Variants in KCNK2 observed in about 807,000 individuals in gnomAD.
KCNK2 encodes the protein potassium two pore domain channel subfamily K member 2, also known as potassium channel subfamily K member 2.
Under a neutral mutation model 40.5 loss-of-function variants are expected in KCNK2, and 21 were observed. That is an observed-to-expected ratio of 0.52 (90% CI 0.37 to 0.75). KCNK2 has a LOEUF of 0.75. Among genes scored for constraint, KCNK2 ranks in the 30% least tolerant of loss-of-function variants. The pLI is 0.00. For synonymous variants in KCNK2, 191 were observed against 202.2 expected, an observed-to-expected ratio of 0.94 and a Z score of 0.47; for missense variants, 399 against 531.6, an observed-to-expected ratio of 0.75 and a Z score of 2.45.
intron 6 of KCNK2, among the ~76,000 whole-genome samples, chr1:215,213,003 G>C (rs1478500634): frequency 6.6e-6 from 1 of 152,196 alleles, no homozygotes; most frequent in East Asian, 1.9e-4. Context: ...CATAAAACAA[G>C]TCAGTATGTT....
intron 5 of KCNK2, among the ~76,000 whole-genome samples, chr1:215,183,176 C>A (rs1664294356): frequency 1.3e-5 from 2 of 152,138 alleles, no homozygotes; most frequent in African/African-American, 4.8e-5. Flanking sequence ...AGCCATTAAT[C>A]ATTTTTTCCA....
chr1:215,125,107 C>A (rs987809643), intron 3 of KCNK2, among the ~76,000 whole-genome samples: 5 of 152,056 alleles, frequency 3.3e-5, no homozygotes, highest in Non-Finnish European at 7.4e-5. Context: ...TTTTGACATT[C>A]TTTTCATGGA....
At chr1:215,205,240 GGAA>G (rs1367316245) in intron 6 of KCNK2, among the ~76,000 whole-genome samples, 3 of 152,024 alleles carry the variant, frequency 2.0e-5, no homozygotes, top group Non-Finnish European at 2.9e-5. Context: ...TGAGTGAATG[GGAA>G]GAAGATTTTT....
intron 3 of KCNK2, among the ~76,000 whole-genome samples, chr1:215,138,885 G>T (rs1662044065): frequency 2.6e-5 from 4 of 152,060 alleles, no homozygotes; most frequent in Admixed American, 2.6e-4. Flanking sequence ...TGCAGTGCTG[G>T]TTATCTTTTT....
At chr1:215,066,999 C>G (rs1450726226) in intron 1 of KCNK2, among the ~76,000 whole-genome samples, 1 of 151,568 alleles carries the variant, frequency 6.6e-6, no homozygotes, top group African/African-American at 2.4e-5. Context: ...ACATTTATTC[C>G]CACAAGAAAG....
At chr1:215,140,563 A>G (rs1662129396) in intron 3 of KCNK2, among the ~76,000 whole-genome samples, 1 of 152,184 alleles carries the variant, frequency 6.6e-6, no homozygotes, top group African/African-American at 2.4e-5. Flanking sequence ...GTGTTAGATA[A>G]TGGTAAGTAT....
At chr1:215,028,497 A>G (rs1571856653) in intron 1 of KCNK2, among the ~76,000 whole-genome samples, 1 of 152,300 alleles carries the variant, frequency 6.6e-6, no homozygotes, top group African/African-American at 2.4e-5. Context: ...TTTTAATCTC[A>G]GCATCATCTT....
At chr1:215,122,704 C>T (rs546762791) in intron 2 of KCNK2, among the ~76,000 whole-genome samples, 23 of 150,038 alleles carry the variant, frequency 1.5e-4, no homozygotes, top group African/African-American at 2.0e-4. Flanking sequence ...GATACTTATT[C>T]GCTACTATAC....
intron 5 of KCNK2, among the ~76,000 whole-genome samples, chr1:215,180,211 G>A (rs1664167934): frequency 1.3e-5 from 2 of 152,126 alleles, no homozygotes; most frequent in South Asian, 2.1e-4. Context: ...TTGTGTGACA[G>A]ATCTTTCTTC....
At chr1:215,091,344 G>A (rs969318384) in intron 2 of KCNK2, among the ~76,000 whole-genome samples, 3 of 152,082 alleles carry the variant, frequency 2.0e-5, no homozygotes, top group Admixed American at 1.3e-4. Context: ...TACCAGGGAG[G>A]TGGGCTTTAT....
Position 215,236,085 on chromosome 1 carries a change from T to TATC in KCNK2, c.*941_*943dup, listed in dbSNP as rs200877725. 1,986 of 152,078 alleles carry TATC rather than the reference T, an allele frequency of 0.013. 40 individuals carry two copies. Among genetic ancestry groups the TATC allele is most frequent in the African/African-American group, 0.045 (1,846 of 41,154 alleles). The allele number at this position is 152,078 out of a possible 1,614,324, so 9.4% of individuals were successfully genotyped here. A position where few individuals can be genotyped will look rare whatever the true frequency, so the allele number is the denominator to read the frequency against. ...CTATCTATCTATCTATCTATCTATC[T>TATC]ATCTATCTATCTAAATGACCTGACA... On this transcript the variant is annotated 3_prime_UTR_variant, in exon 7 of 7. Coordinates refer to ENST00000444842, the MANE Select transcript of KCNK2 (RefSeq NM_001017425.3).
intron 1 of KCNK2, among the ~76,000 whole-genome samples, chr1:215,038,992 A>T (rs913005059): frequency 6.6e-6 from 1 of 152,144 alleles, no homozygotes; most frequent in Non-Finnish European, 1.5e-5. Context: ...TGAAAAAAAA[A>T]AGAATGAAGA....
At chr1:215,054,556 C>A (rs946418290) in intron 1 of KCNK2, among the ~76,000 whole-genome samples, 1 of 152,146 alleles carries the variant, frequency 6.6e-6, no homozygotes, top group African/African-American at 2.4e-5. Context: ...GCACACCCAC[C>A]GCTGTTCTAC....
chr1:215,075,923 C>T (rs1658909464), intron 1 of KCNK2, among the ~76,000 whole-genome samples: 1 of 152,206 alleles, frequency 6.6e-6, no homozygotes, highest in African/African-American at 2.4e-5. Flanking sequence ...ACTTGTTATT[C>T]ATGGCCCACC....
chr1:215,159,870 C>A (rs1309870068), intron 3 of KCNK2, among the ~76,000 whole-genome samples: 2 of 151,994 alleles, frequency 1.3e-5, no homozygotes, highest in Admixed American at 6.6e-5. Context: ...TCATATATAC[C>A]CAGATGTGAT....
At chr1:215,030,482 C>T (rs1283166435) in intron 1 of KCNK2, among the ~76,000 whole-genome samples, 1 of 151,898 alleles carries the variant, frequency 6.6e-6, no homozygotes, top group Non-Finnish European at 1.5e-5. Context: ...TCACCAAAGC[C>T]ACAGCCAGCC....
At chr1:215,231,719 C>T (rs916978006) in intron 6 of KCNK2, among the ~76,000 whole-genome samples, 1 of 152,116 alleles carries the variant, frequency 6.6e-6, no homozygotes, top group Non-Finnish European at 1.5e-5. Flanking sequence ...AGTCTGTTCT[C>T]ATACTGCTAG....
Position 215,091,051 on chromosome 1 carries a change from A to G in KCNK2, c.357+4373A>G, listed in dbSNP as rs549808926. ...TCAATCAAAGGAGATAGCTATTAAC[A>G]TAGGTACAATAGCATTACCGTAGAA... is the stretch of plus-strand genomic sequence containing the variant. On this transcript the variant is annotated intron_variant, in intron 2 of 6. Transcript: ENST00000444842. Among the ~76,000 whole-genome samples, 3 of 152,312 alleles carry G rather than the reference A, an allele frequency of 2.0e-5. No individual in the cohort carries two copies. In the South Asian group the frequency reaches 6.2e-4, roughly 32 times the overall value.
intron 6 of KCNK2, among the ~76,000 whole-genome samples, chr1:215,208,936 T>G (rs1665434929): frequency 6.6e-6 from 1 of 151,852 alleles, no homozygotes; most frequent in Admixed American, 6.6e-5. Context: ...CAAGCAATTC[T>G]CCTGTCTCGG....
Sources: gnomAD v4.1 joint callset for allele counts (sites outside exome capture counted in the v4.1 genomes callset) on GRCh38, gnomAD v4.1.1 for gene constraint, MANE v1.5 for transcripts, NCBI Gene and HGNC (gene_info 2026-07-23, HGNC 2026-07-21) for gene names.